The following LRRC4C variants were observed in gnomAD, a reference collection of about 807,000 sequenced individuals.
LRRC4C encodes the protein leucine rich repeat containing 4C.
A neutral mutation model predicts 33.6 loss-of-function variants in LRRC4C; 5 were observed. That is an observed-to-expected ratio of 0.15 (90% CI 0.08 to 0.31). The LOEUF is 0.31. LRRC4C is among the 10% of genes least tolerant of loss of function. The probability of loss-of-function intolerance (pLI) is 1.00; values close to 1 mark genes in which losing one functional copy is unlikely to be tolerated. For missense variants in LRRC4C, 560 were observed against 796.7 expected (o/e 0.70, Z 3.58); for synonymous variants, 329 against 302.0 (o/e 1.09, Z -0.93).
At chr11:40,738,688 A>G (rs542250043) in intron 2 of LRRC4C, among the ~76,000 whole-genome samples, 2 of 152,246 alleles carry the variant, frequency 1.3e-5, no homozygotes, top group East Asian at 3.9e-4. Context: ...ATCTTCACAT[A>G]TACAGAATGG....
At chr11:40,960,558 G>A (rs899381612) in intron 1 of LRRC4C, among the ~76,000 whole-genome samples, 21 of 151,676 alleles carry the variant, frequency 1.4e-4, no homozygotes, top group African/African-American at 4.4e-4. Context: ...CAAGATGATT[G>A]ACTGTATCTC....
At chr11:40,375,520 C>A (rs532154099) in intron 3 of LRRC4C, among the ~76,000 whole-genome samples, 1 of 152,012 alleles carries the variant, frequency 6.6e-6, no homozygotes, top group African/African-American at 2.4e-5. Flanking sequence ...AAAATGCAAC[C>A]GCTTTTGCCA....
At chr11:41,168,670 T>C (rs895523171) in intron 1 of LRRC4C, among the ~76,000 whole-genome samples, 12 of 152,184 alleles carry the variant, frequency 7.9e-5, no homozygotes, top group African/African-American at 2.4e-4. Context: ...TGCTCAATTA[T>C]ACATCTAAGC....
At chr11:40,642,675 C>A (rs1183194595) in intron 3 of LRRC4C, among the ~76,000 whole-genome samples, 1 of 152,124 alleles carries the variant, frequency 6.6e-6, no homozygotes, top group Non-Finnish European at 1.5e-5. Flanking sequence ...ACACACAGAT[C>A]AATTTGTTAA....
At chr11:41,134,729 C>T (rs1320055785) in intron 1 of LRRC4C, among the ~76,000 whole-genome samples, 1 of 152,092 alleles carries the variant, frequency 6.6e-6, no homozygotes, top group Non-Finnish European at 1.5e-5. Flanking sequence ...ACTGTGACCT[C>T]ATTTTAACTT....
At chr11:41,061,886 C>T (rs1190565537) in intron 1 of LRRC4C, among the ~76,000 whole-genome samples, 1 of 151,718 alleles carries the variant, frequency 6.6e-6, no homozygotes, top group Non-Finnish European at 1.5e-5. Flanking sequence ...CAATATGGCA[C>T]CTACCCTTGG....
intron 1 of LRRC4C, among the ~76,000 whole-genome samples, chr11:41,360,364 C>A (rs1952311636): frequency 6.6e-6 from 1 of 151,808 alleles, no homozygotes; most frequent in Admixed American, 6.6e-5. Context: ...CTATCCATAG[C>A]CCAAGAATTT....
intron 1 of LRRC4C, among the ~76,000 whole-genome samples, chr11:41,248,080 A>G (rs1319962070): frequency 6.6e-6 from 1 of 152,210 alleles, no homozygotes; most frequent in Non-Finnish European, 1.5e-5. Context: ...ATGAAACAGT[A>G]GAGTCAAGAA....
At chr11:40,433,237 T>C (rs1951006446) in intron 3 of LRRC4C, among the ~76,000 whole-genome samples, 1 of 152,104 alleles carries the variant, frequency 6.6e-6, no homozygotes, top group Non-Finnish European at 1.5e-5. Flanking sequence ...ACAATCTCTC[T>C]TGACATTACA....
At chr11:40,827,064 ATAAAGT>A (rs972405574) in intron 2 of LRRC4C, among the ~76,000 whole-genome samples, 32 of 152,064 alleles carry the variant, frequency 2.1e-4, no homozygotes, top group African/African-American at 5.1e-4. Flanking sequence ...AAAGTATACA[ATAAAGT>A]TAAAGTTTTT....
At chr11:40,287,869 C>T (rs1943948781) in intron 4 of LRRC4C, among the ~76,000 whole-genome samples, 2 of 152,150 alleles carry the variant, frequency 1.3e-5, no homozygotes. Flanking sequence ...CAAAAATGGT[C>T]ATATCTATTT....
chr11:41,442,006 A>G (rs1010566617), intron 1 of LRRC4C, among the ~76,000 whole-genome samples: 1 of 152,216 alleles, frequency 6.6e-6, no homozygotes, highest in African/African-American at 2.4e-5. Flanking sequence ...TCAAATTTAC[A>G]TATGCATTAA....
chr11:41,174,701 G>C (rs1405474503), intron 1 of LRRC4C, among the ~76,000 whole-genome samples: 1 of 151,686 alleles, frequency 6.6e-6, no homozygotes, highest in Non-Finnish European at 1.5e-5. Flanking sequence ...CTACAATTTT[G>C]GTTTAAATGA....
chr11:40,917,370 T>C (rs1957005366), intron 2 of LRRC4C, among the ~76,000 whole-genome samples: 1 of 152,146 alleles, frequency 6.6e-6, no homozygotes, highest in African/African-American at 2.4e-5. Context: ...TGCTCATCTG[T>C]AAAAGGGGCA....
chr11:40,722,983 A>ATTCC (rs1947102759), intron 2 of LRRC4C, among the ~76,000 whole-genome samples: 2 of 152,172 alleles, frequency 1.3e-5, no homozygotes, highest in Admixed American at 1.3e-4. Context: ...AACAGATGAG[A>ATTCC]CCAAGCAGGG....
chr11:40,653,392 TG>T (rs1258710936), intron 2 of LRRC4C, among the ~76,000 whole-genome samples: 1 of 152,178 alleles, frequency 6.6e-6, no homozygotes, highest in African/African-American at 2.4e-5. Context: ...ATGAGGAACT[TG>T]TTGGGAACTG....
intron 3 of LRRC4C, among the ~76,000 whole-genome samples, chr11:40,398,545 G>C (rs1233708608): frequency 6.6e-6 from 1 of 151,948 alleles, no homozygotes; most frequent in Non-Finnish European, 1.5e-5. Context: ...TGTAAAAATA[G>C]GAAAATATGG....
intron 2 of LRRC4C, among the ~76,000 whole-genome samples, chr11:40,779,195 G>GA (rs200154797): frequency 5.2e-4 from 78 of 149,946 alleles, no homozygotes; most frequent in Middle Eastern, 7.0e-3. Flanking sequence ...AGCAAGCAGT[G>GA]AAAAAAAAAG....
intron 3 of LRRC4C, among the ~76,000 whole-genome samples, chr11:40,463,139 G>A (rs76173431): frequency 0.041 from 6,300 of 152,114 alleles, 414 homozygotes; most frequent in African/African-American, 0.14. Context: ...ATAAATTCTC[G>A]CAAGTTGCTT....
Sources: gnomAD v4.1 joint callset for allele counts (sites outside exome capture counted in the v4.1 genomes callset) on GRCh38, gnomAD v4.1.1 for gene constraint, MANE v1.5 for transcripts, NCBI Gene and HGNC (gene_info 2026-07-23, HGNC 2026-07-21) for gene names.